The following CA4 variants were observed in gnomAD, a reference collection of about 807,000 sequenced individuals.
The protein encoded by CA4 is carbonic anhydrase 4.
A neutral mutation model predicts 34.5 loss-of-function variants in CA4; 24 were observed. That is an observed-to-expected ratio of 0.70 (90% CI 0.50 to 0.98). CA4 has a LOEUF of 0.98. CA4 is among the 50% of genes least tolerant of loss of function. The pLI is 0.00. For synonymous variants in CA4, 178 were observed against 170.6 expected (o/e 1.04, Z -0.34); for missense variants, 394 against 396.7 (o/e 0.99, Z 0.06).
chr17:60,163,593 A>C (rs988461923), downstream of CA4, among the ~76,000 whole-genome samples: 1 of 152,198 alleles, frequency 6.6e-6, no homozygotes, highest in African/African-American at 2.4e-5. Context: ...GGACAAAGGC[A>C]TTCTTTCCCC....
chr17:60,162,071 G>A (rs377302066), downstream of CA4, among the ~76,000 whole-genome samples: 26 of 152,250 alleles, frequency 1.7e-4, no homozygotes, highest in Admixed American at 6.5e-4. Flanking sequence ...CATAAATCCG[G>A]CCAGCAGGAG....
intron 7 of CA4, 120 bp downstream of exon 7, chr17:60,158,566 G>C (rs754494491): frequency 1.0e-6 from 1 of 965,388 alleles, no homozygotes; most frequent in Admixed American, 2.1e-5. Context: ...ACTGAAGTCC[G>C]TTGTTAATCA....
At chr17:60,158,909 C>A (rs1240049718) in intron 7 of CA4, 6 of 449,830 alleles carry the variant, frequency 1.3e-5, no homozygotes, top group Non-Finnish European at 2.4e-5. Context: ...CCCAACAAGC[C>A]CGCCCCCCAG....
the CA4 span, among the ~76,000 whole-genome samples, chr17:60,178,290 A>G: frequency 6.6e-6 from 1 of 152,246 alleles, no homozygotes; most frequent in South Asian, 2.1e-4. Context: ...AAAGTGCAAG[A>G]CAAACACAGA....
chr17:60,151,190 C>T (rs746861834), intron 1 of CA4, among the ~76,000 whole-genome samples: 37 of 152,254 alleles, frequency 2.4e-4, no homozygotes, highest in Non-Finnish European at 4.6e-4. Flanking sequence ...CAGTTCTCAG[C>T]CCAACCACCC....
At chr17:60,171,715 C>A (rs2145314069), downstream of CA4, among the ~76,000 whole-genome samples, 1 of 152,346 alleles carries the variant, frequency 6.6e-6, no homozygotes, top group Non-Finnish European at 1.5e-5. Flanking sequence ...GTCACTTCAA[C>A]CGGAGTAACT....
At chr17:60,160,577 A>G (rs2083775119), downstream of CA4, among the ~76,000 whole-genome samples, 3 of 152,158 alleles carry the variant, frequency 2.0e-5, no homozygotes, top group South Asian at 6.2e-4. Context: ...CAGCCTGGCC[A>G]ACGTGGCGAA....
chr17:60,163,857 G>A (rs183097857), downstream of CA4, among the ~76,000 whole-genome samples: 1 of 152,280 alleles, frequency 6.6e-6, no homozygotes, highest in Non-Finnish European at 1.5e-5. Flanking sequence ...TCAGCCAGGC[G>A]CAGTGGCTCA....
downstream of CA4, among the ~76,000 whole-genome samples, chr17:60,162,012 A>G (rs1456870702): frequency 6.6e-6 from 1 of 151,914 alleles, no homozygotes; most frequent in Non-Finnish European, 1.5e-5. Context: ...GGCCTTTCCA[A>G]CCTAAGGCAG....
intron 2 of CA4, among the ~76,000 whole-genome samples, 174 bp from the exon 3 acceptor site, chr17:60,156,386 A>T (rs75306386): frequency 6.6e-6 from 1 of 152,148 alleles, no homozygotes; most frequent in African/African-American, 2.4e-5. Flanking sequence ...AGGAGGGCCC[A>T]GGGAGGGCGA....
chr17:60,156,837 A>G, intron 3 of CA4, 122 bp downstream of exon 3: 1 of 911,376 alleles, frequency 1.1e-6, no homozygotes, highest in Non-Finnish European at 1.8e-6. Flanking sequence ...AGGTGGCTGA[A>G]AATCCCATGG....
downstream of CA4, among the ~76,000 whole-genome samples, chr17:60,162,158 G>A (rs755086331): frequency 1.9e-4 from 29 of 152,112 alleles, no homozygotes; most frequent in Non-Finnish European, 3.4e-4. Flanking sequence ...CTGCGGCCCA[G>A]AGGCCACAGC....
intron 5 of CA4, 46 bp from the exon 6 acceptor site, chr17:60,158,015 A>G: frequency 1.2e-6 from 2 of 1,607,706 alleles, no homozygotes; most frequent in Admixed American, 1.7e-5. Context: ...GGCCACCACC[A>G]CTGGCTCCCT....
intron 5 of CA4, among the ~76,000 whole-genome samples, chr17:60,165,870 A>T (rs184408819): frequency 6.6e-6 from 1 of 151,424 alleles, no homozygotes; most frequent in Non-Finnish European, 1.5e-5. Flanking sequence ...ATTACATGGG[A>T]CATAGTTACA....
At chr17:60,157,823 G>C (rs751312568) in intron 5 of CA4, 35 bp downstream of exon 5, 1 of 1,581,676 alleles carries the variant, frequency 6.3e-7, no homozygotes, top group Non-Finnish European at 8.7e-7. Flanking sequence ...CGGGGAACCC[G>C]GGGCTGAGAG....
intron 7 of CA4, 72 bp from the exon 8 acceptor site, chr17:60,159,158 C>A: frequency 7.3e-7 from 1 of 1,370,988 alleles, no homozygotes; most frequent in Non-Finnish European, 1.0e-6. Flanking sequence ...GGATGAGGTG[C>A]CTGCCTGAGG....
At chr17:60,168,211 G>C (rs370590906) in intron 5 of CA4, among the ~76,000 whole-genome samples, 2 of 140,192 alleles carry the variant, frequency 1.4e-5, no homozygotes, top group East Asian at 2.3e-4. Context: ...TTATTTTTTG[G>C]GGGGGCGTGG....
At chr17:60,152,710 C>T (rs1409562425) in intron 1 of CA4, among the ~76,000 whole-genome samples, 1 of 152,218 alleles carries the variant, frequency 6.6e-6, no homozygotes, top group Non-Finnish European at 1.5e-5. Context: ...TCCTTCAAGA[C>T]CTCTGCGGGT....
chr17:60,159,671 C>T (rs1310464561), downstream of CA4: 4 of 595,440 alleles, frequency 6.7e-6, no homozygotes, highest in Admixed American at 2.9e-5. Flanking sequence ...GCAGGTACCA[C>T]CAGGTGTCCC....
Sources: allele counts gnomAD v4.1 joint callset (sites outside exome capture counted in the v4.1 genomes callset), GRCh38; gene constraint gnomAD v4.1.1; transcripts MANE v1.5; gene names NCBI Gene and HGNC (gene_info 2026-07-23, HGNC 2026-07-21).